SLC1A1: variants seen among roughly 807,000 people sequenced by gnomAD.
The protein encoded by SLC1A1 is solute carrier family 1 member 1, also known as excitatory amino acid transporter 3.
SLC1A1 carries 43 observed loss-of-function variants against 53.3 expected under a neutral mutation model. That is an observed-to-expected ratio of 0.81 (90% CI 0.63 to 1.04). SLC1A1 has a LOEUF of 1.04. Ranked by LOEUF, SLC1A1 falls within the 50% of genes least tolerant of loss-of-function variation. The probability of loss-of-function intolerance (pLI) is 0.00; values close to 1 mark genes in which losing one functional copy is unlikely to be tolerated. For missense variants in SLC1A1, 748 were observed against 664.9 expected (o/e 1.12, Z -1.37); for synonymous variants, 307 against 243.2 (o/e 1.26, Z -2.44).
At chr9:4,545,869 A>G (rs1048068584) in intron 2 of SLC1A1, among the ~76,000 whole-genome samples, 1 of 152,128 alleles carries the variant, frequency 6.6e-6, no homozygotes, top group Non-Finnish European at 1.5e-5. Context: ...TCTGCATTGC[A>G]GTTTCTTGTA....
intron 10 of SLC1A1, among the ~76,000 whole-genome samples, chr9:4,582,535 C>A (rs1167945896): frequency 1.3e-5 from 2 of 152,216 alleles, no homozygotes; most frequent in East Asian, 3.8e-4. Flanking sequence ...AACTATCCTT[C>A]TGTCCATCCT....
chr9:4,534,077 T>C (rs1381164387), intron 1 of SLC1A1, among the ~76,000 whole-genome samples: 1 of 152,186 alleles, frequency 6.6e-6, no homozygotes, highest in Non-Finnish European at 1.5e-5. Flanking sequence ...GAGGGAAATT[T>C]ATACCACTAA....
chr9:4,541,893 C>A (rs756070826), intron 1 of SLC1A1, among the ~76,000 whole-genome samples: 1 of 152,174 alleles, frequency 6.6e-6, no homozygotes, highest in Admixed American at 6.5e-5. Context: ...GGTTCTGACT[C>A]TGTTAATGGG....
At chr9:4,552,201 T>C (rs1220001761) in intron 2 of SLC1A1, among the ~76,000 whole-genome samples, 1 of 152,216 alleles carries the variant, frequency 6.6e-6, no homozygotes, top group African/African-American at 2.4e-5. Context: ...TATTTATTTA[T>C]TCATTCTATC....
Position 4,583,278 on chromosome 9 carries a change from C to A in SLC1A1, c.1328+106C>A. ...TTCTCTCCTCAGATTGCCTAATGAG[C>A]CACCTGTTGCTGCTTTAATTTTCCT... is the stretch of plus-strand genomic sequence containing the variant. On this transcript the variant is annotated intron_variant, in intron 11 of 11. Transcript: ENST00000262352. This position sits in a 1 kb window ranked among gnomAD's most constrained non-coding sequence, Gnocchi z 4.6. The A allele has an allele frequency of 1.4e-6, 2 of 1,384,560 alleles. No homozygotes were observed. Among genetic ancestry groups the A allele is most frequent in the Non-Finnish European group, 2.0e-6 (2 of 975,732 alleles). 85.8% of individuals were successfully genotyped at this position (1,384,560 alleles called of 1,614,324 possible). A position where few individuals can be genotyped will look rare whatever the true frequency, so the allele number is the denominator to read the frequency against.
chr9:4,511,827 G>A (rs989244833), intron 1 of SLC1A1, among the ~76,000 whole-genome samples: 8 of 152,086 alleles, frequency 5.3e-5, no homozygotes, highest in African/African-American at 1.9e-4. Context: ...GAAATCCCAA[G>A]AAATTACAAA....
intron 1 of SLC1A1, among the ~76,000 whole-genome samples, chr9:4,515,862 G>A (rs1264329927): frequency 6.6e-6 from 1 of 152,104 alleles, no homozygotes; most frequent in African/African-American, 2.4e-5. Flanking sequence ...CTGTGTTGTG[G>A]AGCCTTCTGT....
chr9:4,495,405 G>C (rs151245955), intron 1 of SLC1A1, among the ~76,000 whole-genome samples: 1 of 152,318 alleles, frequency 6.6e-6, no homozygotes, highest in African/African-American at 2.4e-5. Flanking sequence ...CAAGTAGAGA[G>C]AGGTAGACCA....
intron 1 of SLC1A1, among the ~76,000 whole-genome samples, chr9:4,506,569 GA>G (rs368321633): frequency 0.059 from 8,719 of 147,864 alleles, 828 homozygotes; most frequent in African/African-American, 0.2. Flanking sequence ...TATTTATTTT[GA>G]AAAAAAAAAA....
intron 1 of SLC1A1, among the ~76,000 whole-genome samples, chr9:4,511,379 G>A (rs575713194): frequency 2.1e-4 from 32 of 152,138 alleles, no homozygotes; most frequent in African/African-American, 7.0e-4. Flanking sequence ...CTTTCAAAAA[G>A]GCACTAATCC....
chr9:4,585,350 C>A lies in SLC1A1; in HGVS notation c.1367C>A (p.Ala456Asp). The A allele has an allele frequency of 2.5e-6, 4 of 1,614,132 alleles. No homozygotes were observed. Among genetic ancestry groups the A allele is most frequent in the Non-Finnish European group, 3.4e-6 (4 of 1,180,014 alleles). ...ACCATGGTCAACGTCCTTGGTGATG[C>A]TTTTGGGACGGGCATTGTGGAAAAG... ...FRTMVNVLGD[A>D]FGTGIVEKLS... The change falls in exon 12 of 12, where the codon GCT becomes GAT. Residue 456 changes from alanine (A) to aspartate (D), a missense_variant. Ala to Asp is a moderately radical substitution (Grantham distance 126). Coordinates refer to ENST00000262352, the MANE Select transcript of SLC1A1 (RefSeq NM_004170.6).
At chr9:4,502,547 A>G (rs1282363164) in intron 1 of SLC1A1, among the ~76,000 whole-genome samples, 2 of 151,428 alleles carry the variant, frequency 1.3e-5, no homozygotes, top group Non-Finnish European at 2.9e-5. Context: ...ATGTACATTT[A>G]TCTCCCATTT....
chr9:4,501,862 A>C (rs1050875043), intron 1 of SLC1A1, among the ~76,000 whole-genome samples: 1 of 151,768 alleles, frequency 6.6e-6, no homozygotes, highest in Non-Finnish European at 1.5e-5. Context: ...AGAATGTACA[A>C]TTATTTTTCT....
At chr9:4,522,180 T>A (rs1486967846) in intron 1 of SLC1A1, among the ~76,000 whole-genome samples, 2 of 151,018 alleles carry the variant, frequency 1.3e-5, no homozygotes, top group Admixed American at 1.3e-4. Flanking sequence ...GCCTCCCGAG[T>A]AGCTGGGACT....
At chr9:4,545,156 T>C (rs1458912045) in intron 2 of SLC1A1, among the ~76,000 whole-genome samples, 1 of 144,544 alleles carries the variant, frequency 6.9e-6, no homozygotes, top group Non-Finnish European at 1.5e-5. Context: ...GTTGTTCTTT[T>C]CTAATTACGG....
Position 4,544,715 on chromosome 9 carries a change from G to C in SLC1A1, c.232+8G>C. The C allele has an allele frequency of 3.1e-6, 5 of 1,608,744 alleles. No individual in the cohort carries two copies. The highest frequency in any genetic ancestry group is 4.3e-6 in the Non-Finnish European group (5 of 1,175,420). The stretch of plus-strand genomic sequence containing the variant: ...TATCCAGCATGATTACAGGTACCTT[G>C]AGAAAACAGATGTTCTCTATATTAG... On this transcript the variant is annotated splice_region_variant and intron_variant, in intron 2 of 11. Coordinates refer to ENST00000262352, the MANE Select transcript of SLC1A1 (RefSeq NM_004170.6).
chr9:4,575,956 G>A, intron 8 of SLC1A1, 45 bp from the exon 9 acceptor site: 1 of 1,605,904 alleles, frequency 6.2e-7, no homozygotes, highest in Non-Finnish European at 8.5e-7. Flanking sequence ...AGTGTGGGGA[G>A]GTGGTATTAT....
intron 1 of SLC1A1, among the ~76,000 whole-genome samples, chr9:4,502,530 G>A (rs1437581032): frequency 2.7e-5 from 4 of 150,606 alleles, no homozygotes; most frequent in Non-Finnish European, 4.4e-5. Flanking sequence ...AATTTACCAC[G>A]AGTTTTATGT....
At position 4,547,822 on chromosome 9, in the gene SLC1A1, G is replaced by A. The variant is rs147475976; in HGVS notation, c.232+3115G>A. On this transcript the variant is annotated intron_variant, in intron 2 of 11. Coordinates refer to ENST00000262352, the MANE Select transcript of SLC1A1 (RefSeq NM_004170.6). The stretch of plus-strand genomic sequence containing the variant: ...TTATCTTTTATACTATGTATACATA[G>A]TATACAAATTTTCATACTAAGCAAC... Among the ~76,000 whole-genome samples, 233 of 150,336 alleles carry A rather than the reference G, an allele frequency of 1.5e-3. 1 individual carries two copies. Among genetic ancestry groups the A allele is most frequent in the Non-Finnish European group, 1.8e-3 (120 of 67,944 alleles).
Sources: gnomAD v4.1 joint callset for allele counts (sites outside exome capture counted in the v4.1 genomes callset) on GRCh38, gnomAD v4.1.1 for gene constraint, Gnocchi (gnomAD v3.1) non-coding constraint, MANE v1.5 for transcripts, NCBI Gene and HGNC (gene_info 2026-07-23, HGNC 2026-07-21) for gene names.